TRPC3: variants seen among roughly 807,000 people sequenced by gnomAD.
TRPC3 encodes the protein short transient receptor potential channel 3.
Under a neutral mutation model 90.9 loss-of-function variants are expected in TRPC3, and 54 were observed. That is an observed-to-expected ratio of 0.59 (90% CI 0.48 to 0.75). The LOEUF (loss-of-function observed/expected upper bound fraction) is 0.75. Among genes scored for constraint, TRPC3 ranks in the 30% least tolerant of loss-of-function variants. The pLI, the probability that TRPC3 is intolerant of heterozygous loss-of-function variation, is 0.00. For missense variants in TRPC3, 918 were observed against 1,194.5 expected (o/e 0.77, Z 3.41); for synonymous variants, 424 against 450.9 (o/e 0.94, Z 0.75).
intron 11 of TRPC3, among the ~76,000 whole-genome samples, chr4:121,880,168 A>G (rs1727892247): frequency 6.6e-6 from 1 of 152,146 alleles, no homozygotes; most frequent in African/African-American, 2.4e-5. Flanking sequence ...CTGTTAACTG[A>G]TCTATAGCCA....
At chr4:121,940,285 G>A (rs982039474) in intron 1 of TRPC3, among the ~76,000 whole-genome samples, 4 of 152,214 alleles carry the variant, frequency 2.6e-5, no homozygotes, top group South Asian at 2.1e-4. Context: ...TTTATTGATT[G>A]CACTATTCAC....
At chr4:121,936,815 C>T (rs956305635) in intron 1 of TRPC3, among the ~76,000 whole-genome samples, 2 of 152,098 alleles carry the variant, frequency 1.3e-5, no homozygotes, top group African/African-American at 4.8e-5. Flanking sequence ...TTCCAGTCTC[C>T]AGAACTGGAA....
In TRPC3 at chr4:121,932,430, C is replaced by CT; in HGVS notation, c.827dup (p.Arg277GlufsTer55). The CT allele has an allele frequency of 6.2e-7, 1 of 1,614,198 alleles. No homozygotes were observed. On this transcript the variant is annotated frameshift_variant, in exon 2 of 12. Coordinates refer to ENST00000379645, the MANE Select transcript of TRPC3 (RefSeq NM_001130698.2). LOFTEE classifies it high-confidence loss of function. The surrounding 1 kb of genome is among the most constrained non-coding windows in gnomAD (Gnocchi z 7.7). The stretch of plus-strand genomic sequence containing the variant: ...GTGAGTGGCTGAAGGAGTCGTGCCT[C>CT]TGCTTCTCCATGCAGTCCCCGCACT...
intron 3 of TRPC3, among the ~76,000 whole-genome samples, chr4:121,922,760 TC>T (rs1729568179): frequency 6.6e-6 from 1 of 152,222 alleles, no homozygotes. Flanking sequence ...TAGACAATTT[TC>T]TAAAAAACAG....
At position 121,875,889 on chromosome 4, in the gene TRPC3, ATTTTTTTTTTTTTT is replaced by A. The variant is rs1163932789; in HGVS notation, c.*3833_*3846del. 1.3e-5 allele frequency among the ~76,000 whole-genome samples: 1 copy of A among 75,092 alleles called. No homozygotes were observed. Among genetic ancestry groups the A allele is most frequent in the Non-Finnish European group, 2.5e-5 (1 of 39,982 alleles). The allele number at this position is 75,092 out of a possible 152,430, so 49.3% of individuals were successfully genotyped here. A position where few individuals can be genotyped will look rare whatever the true frequency, so the allele number is the denominator to read the frequency against. ...ACAAAGTTATAAATACCCATTTTAG[ATTTTTTTTTTTTTT>A]TTTTTTTTTTTTTGTGGGGGGTGGT... On this transcript the variant is annotated 3_prime_UTR_variant, in exon 12 of 12. Transcript: ENST00000379645.
chr4:121,904,572 A>G, intron 7 of TRPC3, 55 bp from the exon 8 acceptor site: 1 of 1,379,354 alleles, frequency 7.2e-7, no homozygotes, highest in Non-Finnish European at 9.7e-7. Context: ...AATATCTAAG[A>G]GTGAAAAGTA....
rs906067863 is a variant in TRPC3 at position 121,879,853 on chromosome 4, A to G, written c.2649T>C (p.Asp883=). Residue 883 remains aspartate, a synonymous_variant, in exon 12 of 12, where the codon GAT becomes GAC. Coordinates refer to ENST00000379645, the MANE Select transcript of TRPC3 (RefSeq NM_001130698.2). ...NEGELKEIKQ[D]ISSLRYELLE... ...AAAGTTCATAACGAAGGCTGGAGAT[A>G]TCTTGCTTGATTTCTTTTAATTCAC... is the stretch of plus-strand genomic sequence containing the variant. The G allele has an allele frequency of 6.3e-7, 1 of 1,594,986 alleles. No individual in the cohort carries two copies. Among genetic ancestry groups the G allele is most frequent in the South Asian group, 1.2e-5 (1 of 86,258 alleles).
chr4:121,912,228 A>G (rs1329757571), intron 4 of TRPC3, 135 bp from the exon 5 acceptor site: 12 of 676,950 alleles, frequency 1.8e-5, no homozygotes, highest in Non-Finnish European at 2.7e-5. Context: ...AAAGCTTTAT[A>G]TTATGAAAAA....
At chr4:121,906,128 T>C (rs969897324) in intron 7 of TRPC3, among the ~76,000 whole-genome samples, 2 of 152,066 alleles carry the variant, frequency 1.3e-5, no homozygotes, top group Admixed American at 1.3e-4. Context: ...CCTTACATAA[T>C]TGTCACAACG....
At chr4:121,923,100 C>CAGAG (rs10624887) in intron 3 of TRPC3, among the ~76,000 whole-genome samples, 41,777 of 150,626 alleles carry the variant, frequency 0.28, 5,953 homozygotes, top group Non-Finnish European at 0.31. Flanking sequence ...GAAAGAGACA[C>CAGAG]AGAGAGAGAG....
chr4:121,910,975 G>A (rs62321860), intron 5 of TRPC3, among the ~76,000 whole-genome samples: 11,847 of 152,170 alleles, frequency 0.078, 623 homozygotes, highest in Non-Finnish European at 0.12. Flanking sequence ...GAAACTGAAA[G>A]CAGAAAATGC....
At chr4:121,913,183 C>T (rs893414714) in intron 4 of TRPC3, among the ~76,000 whole-genome samples, 1 of 152,192 alleles carries the variant, frequency 6.6e-6, no homozygotes, top group Non-Finnish European at 1.5e-5. Context: ...CACATTTACA[C>T]ATCACCTTGT....
At chr4:121,919,430 G>A (rs1175133888) in intron 3 of TRPC3, among the ~76,000 whole-genome samples, 1 of 152,164 alleles carries the variant, frequency 6.6e-6, no homozygotes, top group Admixed American at 6.5e-5. Context: ...AAAACTCAAT[G>A]ACTTGTGAAA....
Position 121,907,586 on chromosome 4 carries a change from G to A in TRPC3, c.1793-19C>T. The A allele has an allele frequency of 1.3e-6, 2 of 1,585,190 alleles. No individual in the cohort carries two copies. The highest frequency in any genetic ancestry group is 1.7e-6 in the Non-Finnish European group (2 of 1,168,486). On this transcript the variant is annotated intron_variant, in intron 6 of 11. Coordinates refer to ENST00000379645, the MANE Select transcript of TRPC3 (RefSeq NM_001130698.2). ...TCTCTAGCTAGAAAAAAGAGAGAAA[G>A]AGATTAAAAATGGAGCTTTCTATTC... is the stretch of plus-strand genomic sequence containing the variant.
At chr4:121,935,881 C>T (rs1219009247) in intron 1 of TRPC3, among the ~76,000 whole-genome samples, 2 of 152,122 alleles carry the variant, frequency 1.3e-5, no homozygotes, top group African/African-American at 4.8e-5. Flanking sequence ...AACATTAGGA[C>T]ATCATTCTTT....
intron 1 of TRPC3, among the ~76,000 whole-genome samples, chr4:121,938,915 G>A (rs143658540): frequency 1.4e-3 from 219 of 151,250 alleles, no homozygotes; most frequent in African/African-American, 4.8e-3. Context: ...GTCGAGACTC[G>A]TCTGTATGAC....
intron 10 of TRPC3, among the ~76,000 whole-genome samples, chr4:121,897,636 TA>T (rs1728564954): frequency 6.9e-6 from 1 of 143,986 alleles, no homozygotes; most frequent in Non-Finnish European, 1.5e-5. Flanking sequence ...GAATGTCTAC[TA>T]TCAAAAAGAC....
At chr4:121,884,362 G>A (rs1235026875) in intron 10 of TRPC3, among the ~76,000 whole-genome samples, 3 of 152,150 alleles carry the variant, frequency 2.0e-5, no homozygotes, top group Non-Finnish European at 4.4e-5. Flanking sequence ...AGGTAGCAAG[G>A]TGCATATAAG....
chr4:121,901,979 A>G (rs1728721130), intron 9 of TRPC3, among the ~76,000 whole-genome samples: 1 of 152,208 alleles, frequency 6.6e-6, no homozygotes, highest in Non-Finnish European at 1.5e-5. Context: ...TTGAAGATTC[A>G]CAACAATTTT....
Sources: gnomAD v4.1 joint callset for allele counts (sites outside exome capture counted in the v4.1 genomes callset) on GRCh38, gnomAD v4.1.1 for gene constraint, Gnocchi (gnomAD v3.1) non-coding constraint, MANE v1.5 for transcripts, NCBI Gene and HGNC (gene_info 2026-07-23, HGNC 2026-07-21) for gene names.